CTNND2: variants seen among roughly 807,000 people sequenced by gnomAD.
CTNND2 encodes the protein catenin delta 2.
Under a neutral mutation model 144.4 loss-of-function variants are expected in CTNND2, and 22 were observed. That is an observed-to-expected ratio of 0.15 (90% CI 0.11 to 0.22). CTNND2 has a LOEUF of 0.22. Ranked by LOEUF, CTNND2 falls within the 10% of genes least tolerant of loss-of-function variation. CTNND2 has a pLI of 1.00. For missense variants in CTNND2, 1,353 were observed against 1,618.8 expected (o/e 0.84, Z 2.82); for synonymous variants, 751 against 695.6 (o/e 1.08, Z -1.25).
chr5:11,037,849 A>C (rs558766688), intron 16 of CTNND2, among the ~76,000 whole-genome samples: 22 of 152,338 alleles, frequency 1.4e-4, no homozygotes, highest in African/African-American at 5.3e-4. Flanking sequence ...AATAACTATA[A>C]TAGTCCTGCA....
intron 3 of CTNND2, among the ~76,000 whole-genome samples, chr5:11,477,099 C>T (rs888705507): frequency 6.6e-6 from 1 of 152,150 alleles, no homozygotes; most frequent in Non-Finnish European, 1.5e-5. Flanking sequence ...TGTTGATTGT[C>T]TATTTTGTGG....
intron 2 of CTNND2, among the ~76,000 whole-genome samples, chr5:11,612,901 A>G (rs2126389660): frequency 6.6e-6 from 1 of 152,302 alleles, no homozygotes. Context: ...CCCTGCCTCA[A>G]TATAAATAAA....
intron 16 of CTNND2, among the ~76,000 whole-genome samples, chr5:11,035,143 G>GT (rs1261425667): frequency 6.6e-6 from 1 of 150,932 alleles, no homozygotes; most frequent in Non-Finnish European, 1.5e-5. Context: ...TAATGCTGCT[G>GT]TAACAAATCA....
chr5:11,608,357 C>T (rs1780163332), intron 2 of CTNND2, among the ~76,000 whole-genome samples: 1 of 152,174 alleles, frequency 6.6e-6, no homozygotes, highest in Admixed American at 6.5e-5. Flanking sequence ...CCCATCTCCA[C>T]TGGGTATTTA....
intron 3 of CTNND2, among the ~76,000 whole-genome samples, chr5:11,495,530 A>C (rs1769849344): frequency 6.6e-6 from 1 of 152,198 alleles, no homozygotes; most frequent in Admixed American, 6.5e-5. Flanking sequence ...CAGTTTTTGT[A>C]CTGGCGTCAA....
In CTNND2 at chr5:11,251,744, C is replaced by T. The variant is rs534891154; in HGVS notation, c.1629-14921G>A. On this transcript the variant is annotated intron_variant, in intron 9 of 21. Transcript: ENST00000304623. ...ATTATGTGTATATGAATAGGAAGTT[C>T]GTCTTGTAAAAGTTTATACTCAGAA... Among the ~76,000 whole-genome samples the T allele has an allele frequency of 2.1e-4, 32 of 152,166 alleles. 1 individual carries two copies. The highest frequency in any genetic ancestry group is 7.2e-4 in the African/African-American group (30 of 41,518).
chr5:11,463,714 T>C (rs1452612619), intron 3 of CTNND2, among the ~76,000 whole-genome samples: 1 of 152,068 alleles, frequency 6.6e-6, no homozygotes, highest in Non-Finnish European at 1.5e-5. Context: ...GGATTCTTTA[T>C]ATCATGACGC....
intron 2 of CTNND2, among the ~76,000 whole-genome samples, chr5:11,717,087 C>CAAA (rs1786395430): frequency 6.6e-6 from 1 of 151,558 alleles, no homozygotes; most frequent in Non-Finnish European, 1.5e-5. Context: ...AGGCTGGTCT[C>CAAA]AAACTCCTGA....
intron 2 of CTNND2, among the ~76,000 whole-genome samples, chr5:11,631,518 G>T (rs1469976696): frequency 0.02 from 3,066 of 152,282 alleles, 108 homozygotes; most frequent in African/African-American, 0.07. Flanking sequence ...ATCAATGTGA[G>T]AGAAGCTGTA....
At chr5:11,065,550 T>C (rs918580125) in intron 16 of CTNND2, among the ~76,000 whole-genome samples, 2 of 152,198 alleles carry the variant, frequency 1.3e-5, no homozygotes, top group African/African-American at 4.8e-5. Context: ...TCAACAAACA[T>C]CCTTGCCAAT....
At chr5:11,426,543 T>C (rs913541120) in intron 3 of CTNND2, among the ~76,000 whole-genome samples, 2 of 152,202 alleles carry the variant, frequency 1.3e-5, no homozygotes, top group East Asian at 3.8e-4. Flanking sequence ...CATTCCTCTG[T>C]TCCTTGCTGC....
chr5:11,304,773 T>C (rs1750003095), intron 9 of CTNND2, among the ~76,000 whole-genome samples: 1 of 152,198 alleles, frequency 6.6e-6, no homozygotes, highest in African/African-American at 2.4e-5. Flanking sequence ...GCCACTGTGC[T>C]CAGAGTTCAG....
intron 1 of CTNND2, among the ~76,000 whole-genome samples, chr5:11,764,053 T>C (rs900404649): frequency 7.2e-5 from 11 of 152,136 alleles, no homozygotes; most frequent in Non-Finnish European, 1.5e-4. Context: ...CTGGATTATC[T>C]GGTTGAGCCC....
intron 9 of CTNND2, among the ~76,000 whole-genome samples, chr5:11,331,987 T>C (rs1753188161): frequency 6.6e-6 from 1 of 152,064 alleles, no homozygotes. Context: ...GATTTAAGAA[T>C]AATGTAGGCC....
rs80099006 is a variant in CTNND2, at chr5:11,754,071, T to C, written c.38-21799A>G. ...GTTTATTGGGTTCCTCTCTCTTTTA[T>C]TATTAATCTAGCTAGTGGTATATCA... On this transcript the variant is annotated intron_variant, in intron 1 of 21. Coordinates refer to ENST00000304623, the MANE Select transcript of CTNND2 (RefSeq NM_001332.4). Among the ~76,000 whole-genome samples the C allele has an allele frequency of 5.5e-3, 835 of 151,836 alleles. 10 individuals carry two copies. The highest frequency in any genetic ancestry group is 0.019 in the African/African-American group (796 of 41,500).
intron 2 of CTNND2, among the ~76,000 whole-genome samples, chr5:11,620,655 T>C (rs1313178621): frequency 6.6e-6 from 1 of 152,226 alleles, no homozygotes; most frequent in African/African-American, 2.4e-5. Flanking sequence ...TCTCCTGGTC[T>C]GTTGGTCTCA....
At position 11,129,304 on chromosome 5, in the gene CTNND2, A is replaced by ATATAAAAATATATAATATATAT. The variant is rs1561353976; in HGVS notation, c.2160-11738_2160-11737insATATATATTATATATTTTTATA. ...TATATAAAAATATATAATATATATT[A>ATATAAAAATATATAATATATAT]TATATATAAATATATATAATATATA... On this transcript the variant is annotated intron_variant, in intron 12 of 21. Transcript: ENST00000304623. Among the ~76,000 whole-genome samples the ATATAAAAATATATAATATATAT allele has an allele frequency of 9.8e-3, 122 of 12,428 alleles. 3 individuals carry two copies. The highest frequency in any genetic ancestry group is 0.027 in the African/African-American group (116 of 4,248). 8.2% of individuals were successfully genotyped at this position (12,428 alleles called of 152,430 possible).
chr5:11,283,563 A>T (rs923471153), intron 9 of CTNND2, among the ~76,000 whole-genome samples: 1 of 150,984 alleles, frequency 6.6e-6, no homozygotes, highest in African/African-American at 2.4e-5. Context: ...AGTCCCAGCT[A>T]CACGGGAGGC....
intron 1 of CTNND2, among the ~76,000 whole-genome samples, chr5:11,744,352 A>G (rs1397104606): frequency 6.6e-6 from 1 of 152,198 alleles, no homozygotes; most frequent in Non-Finnish European, 1.5e-5. Context: ...AGCAAGGAAG[A>G]TGCGCGACGG....
Sources: allele counts gnomAD v4.1 joint callset (sites outside exome capture counted in the v4.1 genomes callset), GRCh38; gene constraint gnomAD v4.1.1; transcripts MANE v1.5; gene names NCBI Gene and HGNC (gene_info 2026-07-23, HGNC 2026-07-21).